NXPE2: variants seen among roughly 807,000 people sequenced by gnomAD.
NXPE2 encodes the protein neurexophilin and PC-esterase domain family member 2, also known as NXPE family member 2.
A neutral mutation model predicts 34.4 loss-of-function variants in NXPE2; 34 were observed. The observed-to-expected ratio is 0.99, with a 90% CI of 0.75 to 1.31. The LOEUF (loss-of-function observed/expected upper bound fraction) is 1.31. Ranked by LOEUF, NXPE2 falls within the 40% of genes most tolerant of loss-of-function variation. The pLI is 0.00. For missense variants in NXPE2, 649 were observed against 672.5 expected, an observed-to-expected ratio of 0.97 and a Z score of 0.39; for synonymous variants, 235 against 231.3, an observed-to-expected ratio of 1.02 and a Z score of -0.15.
At chr11:114,581,884 TA>T in the NXPE2 span, 1 of 824,124 alleles carries the variant, frequency 1.2e-6, no homozygotes, top group East Asian at 2.5e-5. Context: ...TTCTTAGAGA[TA>T]AGTCAATTAT....
intron 5 of NXPE2, 46 bp downstream of exon 5, chr11:114,706,042 G>T (rs1951466643): frequency 1.2e-6 from 1 of 811,164 alleles, no homozygotes; most frequent in Non-Finnish European, 1.7e-6. Flanking sequence ...ACTTTTGAGG[G>T]TTTTGAAATA....
At chr11:114,761,776 T>C in the NXPE2 span, among the ~76,000 whole-genome samples, 1 of 151,302 alleles carries the variant, frequency 6.6e-6, no homozygotes, top group Non-Finnish European at 1.5e-5. Context: ...GGGTTTCACC[T>C]TGTTAGCCAG....
chr11:114,718,983 C>T, the NXPE2 span, among the ~76,000 whole-genome samples: 214 of 152,236 alleles, frequency 1.4e-3, 1 homozygote, highest in Non-Finnish European at 2.8e-3. Context: ...CTGTACTCCT[C>T]CTTAATGATT....
the NXPE2 span, among the ~76,000 whole-genome samples, chr11:114,747,998 C>A: frequency 6.6e-6 from 1 of 152,280 alleles, no homozygotes. Flanking sequence ...GGCCATCATT[C>A]TACTCTCCAC....
the NXPE2 span, among the ~76,000 whole-genome samples, chr11:114,619,342 A>T: frequency 6.6e-6 from 1 of 152,010 alleles, no homozygotes; most frequent in Admixed American, 6.5e-5. Flanking sequence ...CCTTGTGTGT[A>T]ACCACTGTTA....
chr11:114,551,260 T>A, the NXPE2 span: 1 of 1,302,726 alleles, frequency 7.7e-7, no homozygotes, highest in South Asian at 1.4e-5. Context: ...AATCTCTCTG[T>A]ACTCACTCAT....
At chr11:114,719,838 C>T in the NXPE2 span, among the ~76,000 whole-genome samples, 3 of 152,138 alleles carry the variant, frequency 2.0e-5, no homozygotes, top group Non-Finnish European at 4.4e-5. Flanking sequence ...CCCCTGAAGA[C>T]CCTGTCCTGA....
the NXPE2 span, among the ~76,000 whole-genome samples, chr11:114,620,900 G>T: frequency 3.9e-5 from 6 of 152,170 alleles, no homozygotes; most frequent in Non-Finnish European, 1.5e-5. Context: ...GGTAACCACA[G>T]TTACCCTGTG....
intron 2 of NXPE2, among the ~76,000 whole-genome samples, chr11:114,691,331 G>A (rs904280182): frequency 2.0e-5 from 3 of 151,954 alleles, no homozygotes; most frequent in Non-Finnish European, 2.9e-5. Context: ...GTTTCTTGGT[G>A]CTTTCAGGGT....
chr11:114,637,430 G>C, the NXPE2 span, among the ~76,000 whole-genome samples: 17 of 151,996 alleles, frequency 1.1e-4, no homozygotes, highest in East Asian at 3.3e-3. Flanking sequence ...TTGCCAGTCT[G>C]TGTCTTTTAA....
downstream of NXPE2, among the ~76,000 whole-genome samples, chr11:114,708,539 CA>C (rs1398015336): frequency 2.0e-5 from 3 of 151,352 alleles, no homozygotes. Flanking sequence ...AACATCAGTA[CA>C]AAGTTTGGGT....
the NXPE2 span, among the ~76,000 whole-genome samples, chr11:114,801,654 C>T: frequency 1.3e-5 from 2 of 151,532 alleles, no homozygotes; most frequent in Admixed American, 6.6e-5. Context: ...TGTGATAGAC[C>T]AGGATGTGAA....
intron 2 of NXPE2, among the ~76,000 whole-genome samples, chr11:114,696,784 A>G (rs1032177475): frequency 6.6e-6 from 1 of 152,178 alleles, no homozygotes; most frequent in Non-Finnish European, 1.5e-5. Context: ...AAATGTGTCT[A>G]CCTGAAACCC....
the NXPE2 span, chr11:114,571,350 T>G: frequency 6.2e-7 from 1 of 1,614,056 alleles, no homozygotes. Flanking sequence ...TTTGACTGAA[T>G]AGGTCATTGA....
chr11:114,688,946 TG>T (rs1951097572), intron 2 of NXPE2, among the ~76,000 whole-genome samples: 1 of 152,106 alleles, frequency 6.6e-6, no homozygotes, highest in Non-Finnish European at 1.5e-5. Flanking sequence ...ATGTCAACTT[TG>T]TAATTTCTGA....
At chr11:114,765,805 A>G in the NXPE2 span, among the ~76,000 whole-genome samples, 1 of 151,940 alleles carries the variant, frequency 6.6e-6, no homozygotes, top group South Asian at 2.1e-4. Flanking sequence ...ACTTGTGAGG[A>G]TTCTCCAAGG....
rs948389124 is a variant in NXPE2, at chr11:114,706,763, T to G, written c.1513T>G (p.Phe505Val). The G allele has an allele frequency of 4.5e-6, 7 of 1,552,316 alleles. No individual in the cohort carries two copies. Among genetic ancestry groups the G allele is most frequent in the Non-Finnish European group, 6.1e-6 (7 of 1,147,120 alleles). ...ACAAAATGCAGAGATGTTCAGTGAC[T>G]TTCATGGCTATATTCAGAATCTTAT... is the stretch of plus-strand genomic sequence containing the variant. ...IEQNAEMFSDFHGYIQNLIIR... is the reference protein window; with the variant it reads ...IEQNAEMFSDVHGYIQNLIIR... Residue 505 changes from phenylalanine to valine, a missense_variant, in exon 6 of 6, where the codon TTT becomes GTT. Coordinates refer to ENST00000389586, the MANE Select transcript of NXPE2 (RefSeq NM_182495.6).
chr11:114,787,903 G>A, the NXPE2 span, among the ~76,000 whole-genome samples: 2 of 152,002 alleles, frequency 1.3e-5, no homozygotes, highest in African/African-American at 2.4e-5. Context: ...TTTGGGACTC[G>A]GCTCTTTCCC....
chr11:114,576,537 G>A, the NXPE2 span, among the ~76,000 whole-genome samples: 9 of 152,072 alleles, frequency 5.9e-5, 1 homozygote, highest in South Asian at 8.3e-4. Flanking sequence ...GTGGGCTATA[G>A]ACATGAATAG....
Sources: allele counts gnomAD v4.1 joint callset (sites outside exome capture counted in the v4.1 genomes callset), GRCh38; gene constraint gnomAD v4.1.1; transcripts MANE v1.5; gene names NCBI Gene and HGNC (gene_info 2026-07-23, HGNC 2026-07-21).